The following LOXHD1 variants were observed in gnomAD, a reference collection of about 807,000 sequenced individuals.
LOXHD1 encodes lipoxygenase homology domain-containing protein 1.
LOXHD1 carries 205 observed loss-of-function variants against 248.2 expected under a neutral mutation model. The observed-to-expected ratio is 0.83, with a 90% CI of 0.74 to 0.93. LOXHD1 has a LOEUF of 0.93. Ranked by LOEUF, LOXHD1 falls within the 40% of genes least tolerant of loss-of-function variation. The pLI is 0.00. For missense variants in LOXHD1, 2,930 were observed against 2,971.6 expected (o/e 0.99, Z 0.33); for synonymous variants, 1,113 against 1,162.8 (o/e 0.96, Z 0.87).
intron 1 of LOXHD1, among the ~76,000 whole-genome samples, chr18:46,652,623 G>A (rs1254128504): frequency 6.6e-6 from 1 of 152,132 alleles, no homozygotes; most frequent in Non-Finnish European, 1.5e-5. Flanking sequence ...CCAAGCACTG[G>A]TAACTAAACA....
At chr18:46,519,479 C>T (rs1052968953) in intron 33 of LOXHD1, among the ~76,000 whole-genome samples, 1 of 152,164 alleles carries the variant, frequency 6.6e-6, no homozygotes, top group African/African-American at 2.4e-5. Flanking sequence ...TCTGTGCAGG[C>T]CTGGCCCGCA....
chr18:46,584,235 G>C (rs1186892388), intron 12 of LOXHD1, among the ~76,000 whole-genome samples: 1 of 152,058 alleles, frequency 6.6e-6, no homozygotes, highest in Non-Finnish European at 1.5e-5. Flanking sequence ...GGAAAGGAGG[G>C]GGGAGGAGAG....
At position 46,557,264 on chromosome 18, in the gene LOXHD1, C is replaced by T. The variant is rs139052361; in HGVS notation, c.3350+92G>A. 0.028 allele frequency: 42,180 copies of T among 1,483,486 alleles called. 878 individuals are homozygous for T. The highest frequency in any genetic ancestry group is 0.085 in the Middle Eastern group (495 of 5,812). 91.9% of individuals were successfully genotyped at this position (1,483,486 alleles called of 1,614,324 possible). ...CCTCACCCTCCACCGTCACAGCCGG[C>T]CCACCCCCAGTCTTCTTCCAGGACT... On this transcript the variant is annotated intron_variant, in intron 21 of 40. Coordinates refer to ENST00000642948, the MANE Select transcript of LOXHD1 (RefSeq NM_001384474.1).
At chr18:46,588,938 G>C (rs2038112921) in intron 12 of LOXHD1, among the ~76,000 whole-genome samples, 2 of 152,154 alleles carry the variant, frequency 1.3e-5, no homozygotes, top group South Asian at 4.1e-4. Flanking sequence ...GCAGGGGCTT[G>C]AGTCAGAGGG....
chr18:46,559,675 C>G, intron 19 of LOXHD1, 73 bp from the exon 20 acceptor site: 1 of 1,437,318 alleles, frequency 7.0e-7, no homozygotes, highest in Non-Finnish European at 9.5e-7. Context: ...CACAGCCTCT[C>G]AGATCCAGCC....
rs1004721218 is a variant in LOXHD1 at position 46,587,644 on chromosome 18, G to A, written c.1654+4289C>T. 4.6e-5 allele frequency among the ~76,000 whole-genome samples: 7 copies of A among 152,312 alleles called. No individual in the cohort carries two copies. The South Asian group carries it at 6.2e-4, about 14-fold the overall frequency. ...CTTTAAAGAGATGGGTAAGTACAGA[G>A]CCTCTTTACTTTAATTTTAAAATTA... is the stretch of plus-strand genomic sequence containing the variant. On this transcript the variant is annotated intron_variant, in intron 12 of 40. Coordinates refer to ENST00000642948, the MANE Select transcript of LOXHD1 (RefSeq NM_001384474.1).
chr18:46,536,149 G>A (rs935212036), intron 26 of LOXHD1, among the ~76,000 whole-genome samples: 3 of 152,130 alleles, frequency 2.0e-5, no homozygotes, highest in Admixed American at 2.0e-4. Context: ...ACTACGTCTT[G>A]GAAATGTTAT....
Position 46,505,896 on chromosome 18 carries a change from G to A in LOXHD1, c.5820C>T (p.Phe1940=), listed in dbSNP as rs2034535631. Residue 1940 remains phenylalanine (F), a synonymous_variant, in exon 37 of 41, where the codon TTC becomes TTT. Transcript: ENST00000642948. ...GGTGGCCCAAGCTCAGCATGTCAGG[G>A]AAGTTGAATGTGTCCGTGTTGTTCC... is the stretch of plus-strand genomic sequence containing the variant. ...FERNNTDTFN[F]PDMLSLGHLC... is the part of the protein sequence containing the mutation. 6.4e-7 allele frequency: 1 copy of A among 1,551,706 alleles called. No homozygotes were observed. The highest frequency in any genetic ancestry group is 1.4e-5 in the African/African-American group (1 of 73,044).
chr18:46,637,974 T>C (rs1015833181), intron 4 of LOXHD1, among the ~76,000 whole-genome samples: 6 of 152,138 alleles, frequency 3.9e-5, no homozygotes, highest in African/African-American at 1.2e-4. Context: ...ATTGTTATAA[T>C]AGCAAAAATT....
At chr18:46,641,032 A>G (rs2038956455) in intron 3 of LOXHD1, among the ~76,000 whole-genome samples, 1 of 152,166 alleles carries the variant, frequency 6.6e-6, no homozygotes, top group South Asian at 2.1e-4. Context: ...AGTCTGGCAC[A>G]TAGTAGGACC....
In LOXHD1 at chr18:46,565,882, AT is replaced by A. The variant is rs138576500; in HGVS notation, c.2437+374del. The stretch of plus-strand genomic sequence containing the variant: ...CATGGATGTGGAGGGCTGACTGTGT[AT>A]TTTTTTTTGAATAAATGAATGAATA... On this transcript the variant is annotated intron_variant, in intron 17 of 40. Transcript: ENST00000642948. 7.9e-4 allele frequency among the ~76,000 whole-genome samples: 120 copies of A among 151,268 alleles called. 1 individual carries two copies. The highest frequency in any genetic ancestry group is 2.6e-3 in the African/African-American group (107 of 41,242).
At chr18:46,627,472 C>G (rs1032993920) in intron 4 of LOXHD1, among the ~76,000 whole-genome samples, 2 of 151,904 alleles carry the variant, frequency 1.3e-5, no homozygotes, top group Non-Finnish European at 2.9e-5. Context: ...TTCAGATTTT[C>G]GTGTGTACAA....
chr18:46,611,229 G>C (rs1599048572), intron 5 of LOXHD1, among the ~76,000 whole-genome samples: 1 of 152,154 alleles, frequency 6.6e-6, no homozygotes, highest in Admixed American at 6.5e-5. Context: ...TTTGCCAGTT[G>C]CTTGTCCTGA....
intron 2 of LOXHD1, among the ~76,000 whole-genome samples, chr18:46,642,908 G>A (rs1161560068): frequency 1.3e-5 from 2 of 152,186 alleles, no homozygotes; most frequent in African/African-American, 2.4e-5. Context: ...CTCACTCAGC[G>A]CTCTCAGCCA....
In LOXHD1 at chr18:46,554,707, G is replaced by A. The variant is rs141009670; in HGVS notation, c.3350+2649C>T. 1.4e-4 allele frequency among the ~76,000 whole-genome samples: 22 copies of A among 152,136 alleles called. No individual in the cohort carries two copies. The East Asian group carries it at 4.3e-3, about 30-fold the overall frequency. ...GGAGGGAGGAAGAAAGAAGAGAAAG[G>A]GAGGGGGGAAAAGAAGAGTAATGAG... On this transcript the variant is annotated intron_variant, in intron 21 of 40. Coordinates refer to ENST00000642948, the MANE Select transcript of LOXHD1 (RefSeq NM_001384474.1).
In LOXHD1 at chr18:46,567,088, T is replaced by A. The variant is rs929272394; in HGVS notation, c.2245-639A>T. ...AACATCTTTGCCCCCATGGGCAACA[T>A]AGAGGGGAGTGCAGATGATCATATC... is the stretch of plus-strand genomic sequence containing the variant. On this transcript the variant is annotated intron_variant, in intron 16 of 40. Transcript: ENST00000642948. 7.2e-5 allele frequency among the ~76,000 whole-genome samples: 11 copies of A among 152,364 alleles called. No individual in the cohort carries two copies. In the South Asian group the frequency reaches 2.3e-3, roughly 32 times the overall value.
intron 14 of LOXHD1, 75 bp from the exon 15 acceptor site, chr18:46,572,237 G>T: frequency 7.7e-7 from 1 of 1,296,228 alleles, no homozygotes; most frequent in Non-Finnish European, 1.1e-6. Flanking sequence ...CATTCATGCA[G>T]AGTCACTATG....
At chr18:46,557,628 G>A (rs1316556505) in intron 20 of LOXHD1, 139 bp from the exon 21 acceptor site, 14 of 1,046,856 alleles carry the variant, frequency 1.3e-5, no homozygotes, top group Non-Finnish European at 2.0e-5. Context: ...GGGGATGATG[G>A]AGAATGTCAC....
At chr18:46,591,179 T>C (rs1362871809) in intron 12 of LOXHD1, among the ~76,000 whole-genome samples, 1 of 152,238 alleles carries the variant, frequency 6.6e-6, no homozygotes, top group East Asian at 1.9e-4. Context: ...ATTTTTACCT[T>C]TTTGTAATGT....
Sources: allele counts gnomAD v4.1 joint callset (sites outside exome capture counted in the v4.1 genomes callset), GRCh38; gene constraint gnomAD v4.1.1; transcripts MANE v1.5; gene names NCBI Gene and HGNC (gene_info 2026-07-23, HGNC 2026-07-21).